SHTN1: variants seen among roughly 807,000 people sequenced by gnomAD.
SHTN1 encodes the protein shootin 1, also known as shootin-1.
In SHTN1, 42 loss-of-function variants were observed where a neutral mutation model predicts 83.1. The observed-to-expected ratio is 0.51, with a 90% CI of 0.39 to 0.65. SHTN1 has a LOEUF of 0.65. SHTN1 is among the 30% of genes least tolerant of loss of function. SHTN1 has a pLI of 0.00. For missense variants in SHTN1, 622 were observed against 737.8 expected (o/e 0.84, Z 1.82); for synonymous variants, 224 against 247.7 (o/e 0.90, Z 0.90).
intron 11 of SHTN1, among the ~76,000 whole-genome samples, chr10:116,925,977 CTT>C (rs930569992): frequency 2.0e-5 from 3 of 151,912 alleles, no homozygotes; most frequent in South Asian, 2.1e-4. Context: ...AAATATACCT[CTT>C]TGACAAGAAA....
intron 1 of SHTN1, among the ~76,000 whole-genome samples, chr10:117,109,876 CTAAA>C (rs1334891091): frequency 6.6e-6 from 1 of 151,976 alleles, no homozygotes; most frequent in East Asian, 1.9e-4. Context: ...ATAAACACAA[CTAAA>C]TTTCAATAAG....
intron 1 of SHTN1, among the ~76,000 whole-genome samples, chr10:116,998,802 C>T (rs573146822): frequency 2.6e-5 from 4 of 152,084 alleles, no homozygotes; most frequent in Admixed American, 2.0e-4. Flanking sequence ...TCGTTTTATT[C>T]GAGAATGGCA....
chr10:117,010,505 A>G (rs1438849605), upstream of SHTN1, among the ~76,000 whole-genome samples: 1 of 152,230 alleles, frequency 6.6e-6, no homozygotes, highest in African/African-American at 2.4e-5. Context: ...TCAAACATTT[A>G]AAGAATTAAC....
At chr10:116,892,572 C>T (rs552927279) in intron 16 of SHTN1, among the ~76,000 whole-genome samples, 1 of 152,286 alleles carries the variant, frequency 6.6e-6, no homozygotes, top group South Asian at 2.1e-4. Flanking sequence ...CTGCCATGCA[C>T]AAAATACTTG....
chr10:117,097,030 G>GACAC (rs5788209), intron 1 of SHTN1, among the ~76,000 whole-genome samples: 20,400 of 148,920 alleles, frequency 0.14, 1,557 homozygotes, highest in East Asian at 0.21. Context: ...CACACACATA[G>GACAC]ACACACACAC....
At chr10:116,976,239 G>A (rs2133474798) in intron 2 of SHTN1, among the ~76,000 whole-genome samples, 1 of 152,246 alleles carries the variant, frequency 6.6e-6, no homozygotes, top group East Asian at 1.9e-4. Flanking sequence ...CTTACACCAT[G>A]CAGCCTCTGA....
chr10:116,981,514 T>A lies in SHTN1; in HGVS notation c.59-2206A>T, dbSNP rs190581461. On this transcript the variant is annotated intron_variant, in intron 1 of 16. Transcript: ENST00000355371. ...TTAACTGAAAGAAACAAGAACTAAGTAAGATCTTCTAAAAATATTCACTTA... is the reference window on the plus strand; with the variant it reads ...TTAACTGAAAGAAACAAGAACTAAGAAAGATCTTCTAAAAATATTCACTTA... 1.3e-3 allele frequency among the ~76,000 whole-genome samples: 192 copies of A among 152,264 alleles called. 2 individuals carry two copies. Among genetic ancestry groups the A allele is most frequent in the Admixed American group, 3.5e-3 (54 of 15,288 alleles).
At chr10:117,096,591 C>G (rs1240976742) in intron 1 of SHTN1, among the ~76,000 whole-genome samples, 2 of 152,170 alleles carry the variant, frequency 1.3e-5, no homozygotes, top group East Asian at 3.9e-4. Context: ...TACTTCTGAA[C>G]ACTACTTTTC....
At chr10:117,056,520 G>A (rs1288853911) in intron 1 of SHTN1, among the ~76,000 whole-genome samples, 1 of 152,126 alleles carries the variant, frequency 6.6e-6, no homozygotes, top group East Asian at 1.9e-4. Flanking sequence ...TCCATGATAA[G>A]AACTCTTGGC....
At chr10:116,992,815 T>C (rs1851487141) in intron 1 of SHTN1, among the ~76,000 whole-genome samples, 1 of 152,166 alleles carries the variant, frequency 6.6e-6, no homozygotes, top group African/African-American at 2.4e-5. Flanking sequence ...AGAAGTTGGC[T>C]TAATTGAAAG....
At chr10:117,094,666 T>C (rs1460640036) in intron 1 of SHTN1, among the ~76,000 whole-genome samples, 1 of 152,182 alleles carries the variant, frequency 6.6e-6, no homozygotes, top group Non-Finnish European at 1.5e-5. Flanking sequence ...TGGTTTGAAC[T>C]TAGAAAGAAA....
intron 1 of SHTN1, among the ~76,000 whole-genome samples, chr10:116,994,532 G>GA (rs1851560927): frequency 3.3e-5 from 5 of 152,002 alleles, no homozygotes; most frequent in Non-Finnish European, 7.4e-5. Context: ...AAAGAGGGAA[G>GA]GGGAAGGGGA....
intron 1 of SHTN1, among the ~76,000 whole-genome samples, chr10:117,078,799 C>A (rs1853204085): frequency 6.6e-6 from 1 of 152,024 alleles, no homozygotes; most frequent in Non-Finnish European, 1.5e-5. Flanking sequence ...ATATGAAGAT[C>A]TGTTCCATAT....
chr10:116,893,343 T>C (rs1847398879), intron 16 of SHTN1, among the ~76,000 whole-genome samples: 1 of 152,122 alleles, frequency 6.6e-6, no homozygotes, highest in African/African-American at 2.4e-5. Context: ...TGGAGAACCT[T>C]TGTAGCAGCG....
At chr10:116,918,566 GA>G (rs1848450631) in intron 12 of SHTN1, among the ~76,000 whole-genome samples, 1 of 152,170 alleles carries the variant, frequency 6.6e-6, no homozygotes, top group African/African-American at 2.4e-5. Context: ...TAAAGTTAAA[GA>G]AATTTCCTTA....
intron 1 of SHTN1, among the ~76,000 whole-genome samples, chr10:117,118,032 A>G (rs991007424): frequency 6.6e-6 from 1 of 152,226 alleles, no homozygotes; most frequent in Non-Finnish European, 1.5e-5. Flanking sequence ...AAGCAAAAAT[A>G]GACAATGGGA....
At position 117,018,813 on chromosome 10, in the gene SHTN1, C is replaced by T. The variant is rs749271064; in HGVS notation, c.-123+29632G>A. On this transcript the variant is annotated intron_variant, in intron 2 of 17. Coordinates refer to the SHTN1 transcript ENST00000392901. The stretch of plus-strand genomic sequence containing the variant: ...GTCTTGAATGCCTGACCTTGTGATC[C>T]GCCCACCTCAGCCTCCCAAAGTGCT... Among the ~76,000 whole-genome samples the T allele has an allele frequency of 3.0e-4, 46 of 152,106 alleles. 1 individual carries two copies. Among genetic ancestry groups the T allele is most frequent in the South Asian group, 4.2e-4 (2 of 4,810 alleles).
At chr10:116,951,291 C>T (rs570772887) in intron 6 of SHTN1, among the ~76,000 whole-genome samples, 30 of 152,218 alleles carry the variant, frequency 2.0e-4, no homozygotes, top group Non-Finnish European at 3.4e-4. Context: ...GGCGTGGTGA[C>T]GCATGCCTGT....
Position 116,906,652 on chromosome 10 carries a change from C to CT in SHTN1, c.1454dup (p.Val486GlyfsTer7), listed in dbSNP as rs1439611419. ...TACTGCTATCTGCTTCTGCTGTCAC[C>CT]TTTCTGCGACGCAAAATCCTTTCTA... On this transcript the variant is annotated frameshift_variant, in exon 15 of 17. Coordinates refer to ENST00000355371, the MANE Select transcript of SHTN1 (RefSeq NM_001127211.3). LOFTEE classifies it high-confidence loss of function. 1.9e-6 allele frequency: 3 copies of CT among 1,613,248 alleles called. No homozygotes were observed.
Sources: allele counts gnomAD v4.1 joint callset (sites outside exome capture counted in the v4.1 genomes callset), GRCh38; gene constraint gnomAD v4.1.1; transcripts MANE v1.5; gene names NCBI Gene and HGNC (gene_info 2026-07-23, HGNC 2026-07-21).